The following SLIT3 variants were observed in gnomAD, a reference collection of about 807,000 sequenced individuals.
SLIT3 encodes the protein slit guidance ligand 3, also known as slit homolog 3 protein.
Under a neutral mutation model 184.0 loss-of-function variants are expected in SLIT3, and 68 were observed. The ratio of observed to expected loss-of-function variants is 0.37; its 90% CI spans 0.30 to 0.45. SLIT3 has a LOEUF of 0.45. Among genes scored for constraint, SLIT3 ranks in the 20% least tolerant of loss-of-function variants. SLIT3 has a pLI of 1.00. For synonymous variants in SLIT3, 831 were observed against 828.6 expected (o/e 1.00, Z -0.05); for missense variants, 1,707 against 2,026.0 (o/e 0.84, Z 3.02).
At chr5:168,958,266 A>G (rs1048791649) in intron 4 of SLIT3, among the ~76,000 whole-genome samples, 1 of 152,182 alleles carries the variant, frequency 6.6e-6, no homozygotes, top group Admixed American at 6.5e-5. Context: ...GGTTTCAAGG[A>G]CCTCATTATA....
At chr5:168,754,777 G>A (rs1754837642) in intron 16 of SLIT3, among the ~76,000 whole-genome samples, 1 of 152,186 alleles carries the variant, frequency 6.6e-6, no homozygotes, top group Non-Finnish European at 1.5e-5. Context: ...AAAAAAACAG[G>A]CTGGATGGGA....
At chr5:169,249,599 TA>T (rs33984197) in intron 2 of SLIT3, among the ~76,000 whole-genome samples, 16,139 of 151,386 alleles carry the variant, frequency 0.11, 1,885 homozygotes, top group African/African-American at 0.27. Flanking sequence ...GGGAAATAAA[TA>T]AAAAAAAATA....
intron 23 of SLIT3, among the ~76,000 whole-genome samples, chr5:168,716,527 A>T (rs1219647523): frequency 2.0e-5 from 3 of 152,204 alleles, no homozygotes; most frequent in Non-Finnish European, 4.4e-5. Flanking sequence ...TATGTTTTTG[A>T]GTGGATTTTG....
intron 27 of SLIT3, among the ~76,000 whole-genome samples, chr5:168,698,937 C>A (rs1040238856): frequency 3.9e-5 from 6 of 152,236 alleles, no homozygotes; most frequent in Non-Finnish European, 5.9e-5. Flanking sequence ...CTCAACCGAA[C>A]CTCCAGCTGA....
intron 4 of SLIT3, among the ~76,000 whole-genome samples, chr5:168,983,580 G>A (rs1008359480): frequency 5.3e-5 from 8 of 152,152 alleles, no homozygotes; most frequent in South Asian, 2.1e-4. Context: ...TGTGAGCCCC[G>A]AGCAAAATCA....
chr5:168,844,106 T>C (rs1758365807), intron 6 of SLIT3, among the ~76,000 whole-genome samples: 1 of 150,788 alleles, frequency 6.6e-6, no homozygotes, highest in South Asian at 2.1e-4. Context: ...GGCATTCCCC[T>C]GCCCTGTGCC....
chr5:168,955,244 C>T (rs1420506753), intron 4 of SLIT3, among the ~76,000 whole-genome samples: 1 of 152,132 alleles, frequency 6.6e-6, no homozygotes, highest in East Asian at 1.9e-4. Flanking sequence ...GCTGCCAGAA[C>T]CCATTAGCAA....
At chr5:168,770,960 C>A (rs1375706211) in intron 14 of SLIT3, among the ~76,000 whole-genome samples, 1 of 151,688 alleles carries the variant, frequency 6.6e-6, no homozygotes, top group Non-Finnish European at 1.5e-5. Context: ...GGGGAGATAC[C>A]AGTCCTTGGA....
chr5:168,918,323 C>T (rs568810193), intron 4 of SLIT3, among the ~76,000 whole-genome samples: 13 of 152,282 alleles, frequency 8.5e-5, no homozygotes, highest in East Asian at 7.7e-4. Context: ...ATTTCAACTG[C>T]GCACTGCATT....
At chr5:169,238,122 G>C (rs893097697) in intron 3 of SLIT3, among the ~76,000 whole-genome samples, 3 of 152,144 alleles carry the variant, frequency 2.0e-5, no homozygotes, top group African/African-American at 7.2e-5. Context: ...TAGCTTTACA[G>C]TAAGTCTTGA....
rs372485234 is a variant in SLIT3 at position 169,006,605 on chromosome 5, TCACA to T, written c.414-123273_414-123270del. The stretch of plus-strand genomic sequence containing the variant: ...CTCTCTCTCTCTCTCTCTCTCTCTC[TCACA>T]CACACACACACACACACACACAACT... On this transcript the variant is annotated intron_variant, in intron 4 of 35. Coordinates refer to ENST00000519560, the MANE Select transcript of SLIT3 (RefSeq NM_003062.4). Among the ~76,000 whole-genome samples, 330 of 145,866 alleles carry T rather than the reference TCACA, an allele frequency of 2.3e-3. 3 individuals are homozygous for T. The highest frequency in any genetic ancestry group is 7.0e-3 in the Middle Eastern group (2 of 284).
intron 4 of SLIT3, among the ~76,000 whole-genome samples, chr5:169,084,454 A>ATTTTTTTTTTTTTTTT (rs56062027): frequency 2.0e-5 from 2 of 101,418 alleles, no homozygotes; most frequent in Admixed American, 1.1e-4. Context: ...CCATGCCCAG[A>ATTTTTTTTTTTTTTTT]TTTTTTTTTT....
At chr5:168,809,578 G>A (rs957519303) in intron 8 of SLIT3, among the ~76,000 whole-genome samples, 2 of 152,186 alleles carry the variant, frequency 1.3e-5, no homozygotes, top group Non-Finnish European at 1.5e-5. Context: ...GCCACGGAGA[G>A]CTAGATGGCA....
At chr5:168,874,620 GTGTCATCT>G (rs1759663402) in intron 5 of SLIT3, among the ~76,000 whole-genome samples, 1 of 152,196 alleles carries the variant, frequency 6.6e-6, no homozygotes, top group South Asian at 2.1e-4. Context: ...CTATGAAACT[GTGTCATCT>G]TGGCCTAGAA....
intron 1 of SLIT3, among the ~76,000 whole-genome samples, chr5:169,280,609 G>T (rs1766964296): frequency 6.6e-6 from 1 of 152,196 alleles, no homozygotes; most frequent in African/African-American, 2.4e-5. Context: ...GGTGACATGT[G>T]GGTTTCCTGG....
chr5:168,793,095 TGTTTTTG>T (rs1296689897), intron 10 of SLIT3, among the ~76,000 whole-genome samples: 1 of 152,196 alleles, frequency 6.6e-6, no homozygotes, highest in Non-Finnish European at 1.5e-5. Flanking sequence ...AACGCTGAAA[TGTTTTTG>T]GCCCCAAGCA....
At chr5:169,084,451 C>T (rs1243544464) in intron 4 of SLIT3, among the ~76,000 whole-genome samples, 4 of 140,382 alleles carry the variant, frequency 2.8e-5, no homozygotes. Context: ...CCACCATGCC[C>T]AGATTTTTTT....
intron 20 of SLIT3, among the ~76,000 whole-genome samples, chr5:168,746,682 TGTGTGGTG>T: frequency 1.3e-5 from 1 of 75,202 alleles, no homozygotes; most frequent in South Asian, 4.2e-4. Flanking sequence ...GGTATGGTGG[TGTGTGGTG>T]GTGTGGGTGT....
intron 4 of SLIT3, among the ~76,000 whole-genome samples, chr5:169,156,110 T>C (rs1459502370): frequency 2.0e-5 from 3 of 152,210 alleles, no homozygotes; most frequent in Non-Finnish European, 2.9e-5. Context: ...TCTCACCCCA[T>C]AGAAGCCTCA....
Sources: gnomAD v4.1 joint callset for allele counts (sites outside exome capture counted in the v4.1 genomes callset) on GRCh38, gnomAD v4.1.1 for gene constraint, MANE v1.5 for transcripts, NCBI Gene and HGNC (gene_info 2026-07-23, HGNC 2026-07-21) for gene names.